The following CFAP20DC variants were observed in gnomAD, a reference collection of about 807,000 sequenced individuals.
CFAP20DC encodes the protein CFAP20 domain containing.
CFAP20DC carries 84 observed loss-of-function variants against 101.7 expected under a neutral mutation model. The observed-to-expected ratio is 0.83, with a 90% CI of 0.69 to 0.99. CFAP20DC has a LOEUF of 0.99. Ranked by LOEUF, CFAP20DC falls within the 50% of genes least tolerant of loss-of-function variation. CFAP20DC has a pLI of 0.00. For missense variants in CFAP20DC, 1,007 were observed against 970.3 expected (o/e 1.04, Z -0.50); for synonymous variants, 359 against 351.2 (o/e 1.02, Z -0.25).
intron 5 of CFAP20DC, among the ~76,000 whole-genome samples, chr3:58,935,721 T>A (rs1001456157): frequency 2.6e-5 from 4 of 152,234 alleles, no homozygotes; most frequent in African/African-American, 9.6e-5. Context: ...GCTAGCCATA[T>A]GTAGAAAGCT....
intron 14 of CFAP20DC, among the ~76,000 whole-genome samples, chr3:58,830,138 G>A (rs916268701): frequency 2.6e-5 from 4 of 152,148 alleles, no homozygotes; most frequent in African/African-American, 9.7e-5. Context: ...TGATAGTTGT[G>A]TTTAATGAAA....
At chr3:58,815,803 C>A in intron 14 of CFAP20DC, among the ~76,000 whole-genome samples, 1 of 149,396 alleles carries the variant, frequency 6.7e-6, no homozygotes, top group African/African-American at 2.5e-5. Flanking sequence ...ATCAAAACCA[C>A]AATGAGATAC....
intron 6 of CFAP20DC, among the ~76,000 whole-genome samples, 195 bp from the exon 7 acceptor site, chr3:58,884,904 T>C (rs1331421742): frequency 1.3e-5 from 2 of 152,192 alleles, no homozygotes; most frequent in Admixed American, 1.3e-4. Flanking sequence ...AGGGTAGACA[T>C]GATTAAATGA....
intron 6 of CFAP20DC, among the ~76,000 whole-genome samples, chr3:58,900,107 A>G (rs1483269444): frequency 6.6e-6 from 1 of 152,200 alleles, no homozygotes; most frequent in African/African-American, 2.4e-5. Flanking sequence ...GCCTGATAAA[A>G]TGGGTGGGAG....
chr3:58,945,947 G>A (rs889837301), intron 4 of CFAP20DC, among the ~76,000 whole-genome samples: 12 of 151,222 alleles, frequency 7.9e-5, no homozygotes, highest in Admixed American at 5.9e-4. Flanking sequence ...GGCCCACCTC[G>A]ACCTCCCAAA....
chr3:58,769,615 G>A (rs558321751), intron 15 of CFAP20DC, among the ~76,000 whole-genome samples: 20 of 152,232 alleles, frequency 1.3e-4, no homozygotes, highest in Admixed American at 7.2e-4. Flanking sequence ...TCTGAGAGTG[G>A]CGGGAGGAAT....
chr3:58,974,783 G>C (rs1218739684), intron 4 of CFAP20DC, among the ~76,000 whole-genome samples: 2 of 152,138 alleles, frequency 1.3e-5, no homozygotes, highest in African/African-American at 4.8e-5. Context: ...CCATTTGCAA[G>C]TGGTCCTGGT....
chr3:58,933,288 T>C (rs941754451), intron 5 of CFAP20DC, among the ~76,000 whole-genome samples: 65 of 151,886 alleles, frequency 4.3e-4, no homozygotes, highest in Non-Finnish European at 8.2e-4. Flanking sequence ...CTGAGTGACC[T>C]ACAAAGAGAC....
At chr3:58,739,398 C>A (rs2067830507), downstream of CFAP20DC, among the ~76,000 whole-genome samples, 1 of 152,224 alleles carries the variant, frequency 6.6e-6, no homozygotes, top group Admixed American at 6.5e-5. Flanking sequence ...TGTACTTCTA[C>A]ATTGAATCAA....
intron 13 of CFAP20DC, among the ~76,000 whole-genome samples, chr3:58,847,944 A>C (rs1210873568): frequency 8.1e-6 from 1 of 123,332 alleles, no homozygotes; most frequent in Non-Finnish European, 1.7e-5. Flanking sequence ...GCATATTCTC[A>C]CTCATAGGTG....
rs188259976 is a variant in CFAP20DC, at chr3:59,002,527, T to C, written c.278+37030A>G. ...TTTTTAAAAATATCCATGTACACCC[T>C]GGTCATCATAACAAAAAGAAAATAA... On this transcript the variant is annotated intron_variant, in intron 4 of 16. Transcript: ENST00000482387. This position sits in a 1 kb window ranked among gnomAD's most constrained non-coding sequence, Gnocchi z 4.5. 3.3e-5 allele frequency among the ~76,000 whole-genome samples: 5 copies of C among 152,312 alleles called. No homozygotes were observed. The highest frequency in any genetic ancestry group is 3.3e-4 in the Admixed American group (5 of 15,294).
intron 16 of CFAP20DC, among the ~76,000 whole-genome samples, chr3:58,750,931 T>G (rs890540693): frequency 1.3e-5 from 2 of 152,150 alleles, no homozygotes; most frequent in African/African-American, 4.8e-5. Context: ...TTCAATACTC[T>G]CATAATTAAA....
intron 2 of CFAP20DC, among the ~76,000 whole-genome samples, 185 bp downstream of exon 2, chr3:59,046,980 G>C (rs149457848): frequency 6.6e-6 from 1 of 152,310 alleles, no homozygotes; most frequent in African/African-American, 2.4e-5. Flanking sequence ...GTTATGACCT[G>C]TGTGCCAAAG....
At position 58,868,588 on chromosome 3, in the gene CFAP20DC, G is replaced by A. The variant is rs781692990; in HGVS notation, c.1016-652C>T. 4.5e-4 allele frequency among the ~76,000 whole-genome samples: 69 copies of A among 152,238 alleles called. 2 individuals carry two copies. Among genetic ancestry groups the A allele is most frequent in the South Asian group, 4.1e-4 (2 of 4,824 alleles). On this transcript the variant is annotated intron_variant, in intron 9 of 16. Coordinates refer to ENST00000482387, the MANE Select transcript of CFAP20DC (RefSeq NM_001394063.1). The surrounding 1 kb of genome is among the most constrained non-coding windows in gnomAD (Gnocchi z 4.6). Reference sequence around the variant, plus strand: ...AGAGGAGAAAACTAAGGTTCACAGCGTTTAAGAAACTTGATCAAGGCCTCA... The same window carrying A: ...AGAGGAGAAAACTAAGGTTCACAGCATTTAAGAAACTTGATCAAGGCCTCA...
chr3:58,961,139 T>G (rs1559903186), intron 4 of CFAP20DC, among the ~76,000 whole-genome samples: 1 of 152,240 alleles, frequency 6.6e-6, no homozygotes, highest in Non-Finnish European at 1.5e-5. Flanking sequence ...CTAGATTTTG[T>G]TTTCTAATAT....
chr3:58,809,820 A>T (rs1444751546), intron 14 of CFAP20DC, among the ~76,000 whole-genome samples: 2 of 152,238 alleles, frequency 1.3e-5, no homozygotes, highest in African/African-American at 4.8e-5. Context: ...ACTAATAAAG[A>T]AAAAAAGAGA....
At chr3:58,956,225 T>C (rs924475499) in intron 4 of CFAP20DC, among the ~76,000 whole-genome samples, 5 of 151,810 alleles carry the variant, frequency 3.3e-5, no homozygotes, top group Non-Finnish European at 7.4e-5. Flanking sequence ...CCAAGCATGT[T>C]CTTGGGGCCC....
chr3:58,870,419 C>G, intron 7 of CFAP20DC, 110 bp from the exon 8 acceptor site: 1 of 1,022,680 alleles, frequency 9.8e-7, no homozygotes, highest in Middle Eastern at 3.1e-4. Context: ...CCAAATCCCC[C>G]CTCCCCCCTC....
At chr3:59,035,223 G>C (rs1270690288) in intron 4 of CFAP20DC, among the ~76,000 whole-genome samples, 1 of 152,160 alleles carries the variant, frequency 6.6e-6, no homozygotes. Context: ...AGCACTAAAT[G>C]CCCACATCAG....
Sources: gnomAD v4.1 joint callset for allele counts (sites outside exome capture counted in the v4.1 genomes callset) on GRCh38, gnomAD v4.1.1 for gene constraint, Gnocchi (gnomAD v3.1) non-coding constraint, MANE v1.5 for transcripts, NCBI Gene and HGNC (gene_info 2026-07-23, HGNC 2026-07-21) for gene names.